The following RBM12B variants were observed in gnomAD, a reference collection of about 807,000 sequenced individuals.
The protein encoded by RBM12B is RNA-binding protein 12B.
A neutral mutation model predicts 34.3 loss-of-function variants in RBM12B; 10 were observed. That is an observed-to-expected ratio of 0.29 (90% CI 0.18 to 0.49). The LOEUF (loss-of-function observed/expected upper bound fraction) is 0.49, where lower values mean the gene tolerates loss of function less well. Among genes scored for constraint, RBM12B ranks in the 20% least tolerant of loss-of-function variants. The probability of loss-of-function intolerance (pLI) is 0.99; values close to 1 mark genes in which losing one functional copy is unlikely to be tolerated. For missense variants in RBM12B, 1,139 were observed against 1,262.7 expected, an observed-to-expected ratio of 0.90 and a Z score of 1.48; for synonymous variants, 477 against 437.1, an observed-to-expected ratio of 1.09 and a Z score of -1.14.
Position 93,733,933 on chromosome 8 carries a change from G to A in RBM12B, c.2478C>T (p.Asp826=), listed in dbSNP as rs1346598539. ...DEDFRHPPDE[D]FRSPQEEDFR... is the part of the protein sequence containing the mutation. ...AATCTTCCTCCTGGGGGCTCCTGAA[G>A]TCCTCATCAGGAGGGTGCCTAAAGT... Residue 826 remains aspartate, a synonymous_variant, in exon 4 of 4, where the codon GAC becomes GAT. Transcript: ENST00000520560. 1 of 1,613,516 alleles carries A rather than the reference G, an allele frequency of 6.2e-7. No homozygotes were observed. The highest frequency in any genetic ancestry group is 8.5e-7 in the Non-Finnish European group (1 of 1,179,824).
At position 93,734,960 on chromosome 8, in the gene RBM12B, C is replaced by A. The variant is rs994824906; in HGVS notation, c.1451G>T (p.Gly484Val). The change falls in exon 4 of 4, where the codon GGT (glycine) becomes GTT (valine). Residue 484 changes from glycine (G) to valine (V), a missense_variant. Gly to Val is a moderately radical substitution (Grantham distance 109, BLOSUM62 -3). This residue lies in a region of RBM12B where 863 missense variants were observed against 869.5 expected (regional missense o/e 0.99). Coordinates refer to ENST00000520560, the MANE Select transcript of RBM12B (RefSeq NM_001377960.1). The part of the protein sequence containing the change: ...LISEAQIQEF[G>V]VNFSVMSSEK... ...ACTGGACATCACAGAAAAATTTACACCAAACTCCTGTATTTGTGCCTCAGA... is the reference window on the plus strand; with the variant it reads ...ACTGGACATCACAGAAAAATTTACAACAAACTCCTGTATTTGTGCCTCAGA... 1 of 1,613,992 alleles carries A rather than the reference C, an allele frequency of 6.2e-7. No homozygotes were observed. Among genetic ancestry groups the A allele is most frequent in the African/African-American group, 1.3e-5 (1 of 74,894 alleles).
Position 93,734,115 on chromosome 8 carries a change from G to C in RBM12B, c.2296C>G (p.Pro766Ala). 1 of 1,557,356 alleles carries C rather than the reference G, an allele frequency of 6.4e-7. No individual in the cohort carries two copies. The highest frequency in any genetic ancestry group is 1.2e-5 in the South Asian group (1 of 82,848). The change falls in exon 4 of 4, where the codon CCA (proline) becomes GCA (alanine). Residue 766 changes from proline (P) to alanine (A), a missense_variant. This residue lies in a region of RBM12B where 863 missense variants were observed against 869.5 expected (regional missense o/e 0.99). Coordinates refer to ENST00000520560, the MANE Select transcript of RBM12B (RefSeq NM_001377960.1). ...GGGCGCCTGAAATGCTCTGGGGGTG[G>C]CCGCCTGAAGTGCTCTGGGGGTGGC... ...RRPPPEHFRR[P>A]PPEHFRRPPP...
chr8:93,735,303 A>T lies in RBM12B; in HGVS notation c.1108T>A (p.Tyr370Asn). ...AGTGACCCTGATCTCTTCTTTTCATAACGTGCAATGAACTTCAGCATTTGT... is the reference window on the plus strand; with the variant it reads ...AGTGACCCTGATCTCTTCTTTTCATTACGTGCAATGAACTTCAGCATTTGT... ...RKQMLKFIAR[Y>N]EKKRSGSLER... Residue 370 changes from tyrosine (Y) to asparagine (N), a missense_variant, in exon 4 of 4, where the codon TAT (tyrosine) becomes AAT (asparagine). Tyr to Asn is a moderately radical substitution (Grantham distance 143). Transcript: ENST00000520560. 1 of 1,613,998 alleles carries T rather than the reference A, an allele frequency of 6.2e-7. No individual in the cohort carries two copies. The highest frequency in any genetic ancestry group is 8.5e-7 in the Non-Finnish European group (1 of 1,180,000).
At position 93,729,054 on chromosome 8, in the gene RBM12B, TAC is replaced by T. The variant is rs1811682145; in HGVS notation, c.*4349_*4350del. On this transcript the variant is annotated 3_prime_UTR_variant, in exon 4 of 4. Coordinates refer to ENST00000520560, the MANE Select transcript of RBM12B (RefSeq NM_001377960.1). The stretch of plus-strand genomic sequence containing the variant: ...CTACCATATAGTTAATAAAAGGGTA[TAC>T]AGTCACTTTTATTTCTGAAAATATA... The T allele has an allele frequency of 6.6e-6, 1 of 152,120 alleles. No homozygotes were observed. The highest frequency in any genetic ancestry group is 6.6e-5 in the Admixed American group (1 of 15,266). 9.4% of individuals were successfully genotyped at this position (152,120 alleles called of 1,614,324 possible).
rs1473997239 is a variant in RBM12B at position 93,732,577 on chromosome 8, A to G, written c.*828T>C. 1 of 152,202 alleles carries G rather than the reference A, an allele frequency of 6.6e-6. No homozygotes were observed. The highest frequency in any genetic ancestry group is 1.5e-5 in the Non-Finnish European group (1 of 68,036). 9.4% of individuals were successfully genotyped at this position (152,202 alleles called of 1,614,324 possible). On this transcript the variant is annotated 3_prime_UTR_variant, in exon 4 of 4. Coordinates refer to ENST00000520560, the MANE Select transcript of RBM12B (RefSeq NM_001377960.1). The stretch of plus-strand genomic sequence containing the variant: ...CCTATAATTAGATTCTTATTTTACT[A>G]TCTTTTGCGTATCTTGTATTAATTT...
rs770463192 is a variant in RBM12B at position 93,732,348 on chromosome 8, C to T, written c.*1057G>A. ...ATTCCCTAGTTGCAAAATGTATGCA[C>T]TAAATGCTGAATATCAAAGAAGTCA... On this transcript the variant is annotated 3_prime_UTR_variant, in exon 4 of 4. Coordinates refer to ENST00000520560, the MANE Select transcript of RBM12B (RefSeq NM_001377960.1). 20 of 152,160 alleles carry T rather than the reference C, an allele frequency of 1.3e-4. No individual in the cohort carries two copies. The highest frequency in any genetic ancestry group is 2.5e-4 in the Non-Finnish European group (17 of 68,034). 9.4% of individuals were successfully genotyped at this position (152,160 alleles called of 1,614,324 possible). A position where few individuals can be genotyped will look rare whatever the true frequency, so the allele number is the denominator to read the frequency against.
Position 93,734,366 on chromosome 8 carries a change from T to C in RBM12B, c.2045A>G (p.Asp682Gly), listed in dbSNP as rs746286966. The stretch of plus-strand genomic sequence containing the variant: ...TTCTCCCTGAAGAGGCCGCCTAAAG[T>C]CCTCCTCTGGGGGCCGTCTCCAGTC... ...EEDWRRPPEE[D>G]FRRPLQGEWR... The change falls in exon 4 of 4, where the codon GAC (aspartate) becomes GGC (glycine). Residue 682 changes from aspartate to glycine, a missense_variant. Asp to Gly is a moderately conservative substitution (Grantham distance 94). Transcript: ENST00000520560. The C allele has an allele frequency of 2.5e-6, 4 of 1,612,916 alleles. No homozygotes were observed. In the East Asian group the frequency reaches 8.9e-5, roughly 36 times the overall value.
Position 93,733,703 on chromosome 8 carries a change from A to G in RBM12B, c.2708T>C (p.Met903Thr). The stretch of plus-strand genomic sequence containing the variant: ...AAATCTCCCCTCAGGAAAACTTCCC[A>G]TATTATGCTTTCCAAAATCAAACTT... ...GGKFDFGKHN[M>T]GSFPEGRFMP... is the part of the protein sequence containing the mutation. The change falls in exon 4 of 4, where the codon ATG becomes ACG. Residue 903 changes from methionine to threonine, a missense_variant. Met to Thr is a moderately conservative substitution (Grantham distance 81, BLOSUM62 -1). Transcript: ENST00000520560. 1 of 1,614,128 alleles carries G rather than the reference A, an allele frequency of 6.2e-7. No individual in the cohort carries two copies. The highest frequency in any genetic ancestry group is 1.1e-5 in the South Asian group (1 of 91,088).
chr8:93,728,270 T>A lies in RBM12B; in HGVS notation c.*5135A>T. 6.3e-7 allele frequency: 1 copy of A among 1,589,884 alleles called. No homozygotes were observed. ...ATGATGAGGATGACGAGTTAGATGT[T>A]ACAGAAGAAGAAAATTTTCTTAAGT... On this transcript the variant is annotated 3_prime_UTR_variant, in exon 4 of 4. Transcript: ENST00000520560.
chr8:93,736,950 T>C (rs1422840150), intron 3 of RBM12B, among the ~76,000 whole-genome samples: 2 of 152,224 alleles, frequency 1.3e-5, no homozygotes, highest in Non-Finnish European at 2.9e-5. Flanking sequence ...CTCATGCCTG[T>C]AATTCCAGGC....
rs747607585 is a variant in RBM12B, at chr8:93,733,415, GTTAAC to G, written c.2991_2995del (p.Lys997AsnfsTer10). The G allele has an allele frequency of 1.1e-5, 17 of 1,536,490 alleles. No individual in the cohort carries two copies. The highest frequency in any genetic ancestry group is 2.3e-5 in the East Asian group (1 of 44,136). On this transcript the variant is annotated frameshift_variant, in exon 4 of 4. Transcript: ENST00000520560. LOFTEE classifies it high-confidence loss of function. ...AGAAATGCTCTCTCTCTACAGCAAA[GTTAAC>G]TTAACTTTTCGGGGCCCAACTGGCC... is the stretch of plus-strand genomic sequence containing the variant.
chr8:93,735,918 G>A lies in RBM12B; in HGVS notation c.493C>T (p.Leu165=). ...PYLFLRGLPY[L]VNEDDVRVFF... is the part of the protein sequence containing the mutation. ...ACACGTACATCATCTTCATTTACTA[G>A]GTAAGGCAAACCTCGTAGAAACAAG... Residue 165 remains leucine (L), a synonymous_variant, in exon 4 of 4, where the codon CTA becomes TTA. Coordinates refer to ENST00000520560, the MANE Select transcript of RBM12B (RefSeq NM_001377960.1). The A allele has an allele frequency of 1.2e-6, 2 of 1,614,110 alleles. No individual in the cohort carries two copies. Among genetic ancestry groups the A allele is most frequent in the Non-Finnish European group, 8.5e-7 (1 of 1,180,038 alleles).
Position 93,735,093 on chromosome 8 carries a change from C to G in RBM12B, c.1318G>C (p.Gly440Arg). 1 of 1,614,114 alleles carries G rather than the reference C, an allele frequency of 6.2e-7. No individual in the cohort carries two copies. The highest frequency in any genetic ancestry group is 8.5e-7 in the Non-Finnish European group (1 of 1,180,030). The change falls in exon 4 of 4, where the codon GGT (glycine) becomes CGT (arginine). Residue 440 changes from glycine to arginine, a missense_variant. By Grantham distance (125) the Gly-to-Arg change is moderately radical (BLOSUM62 -2). Transcript: ENST00000520560. ...AATTTCACTAATGCTTCTCCCAGAC[C>G]AACACCTTTGTCATCATAAAGCAAG... ...IYLLYDDKGV[G>R]LGEALVKFKS... is the part of the protein sequence containing the mutation.
At chr8:93,738,703 T>C (rs951126225) in intron 2 of RBM12B, among the ~76,000 whole-genome samples, 2 of 152,188 alleles carry the variant, frequency 1.3e-5, no homozygotes, top group Admixed American at 6.5e-5. Flanking sequence ...GCTCAAGCAA[T>C]CAGCTCACCT....
intron 2 of RBM12B, among the ~76,000 whole-genome samples, chr8:93,739,371 A>G (rs963764013): frequency 2.6e-5 from 4 of 152,228 alleles, no homozygotes; most frequent in Non-Finnish European, 2.9e-5. Flanking sequence ...TTTCATGAGC[A>G]CAAATCTCAT....
At position 93,733,328 on chromosome 8, in the gene RBM12B, AAC is replaced by A; in HGVS notation, c.*75_*76del. The A allele has an allele frequency of 8.4e-7, 1 of 1,193,880 alleles. No individual in the cohort carries two copies. Among genetic ancestry groups the A allele is most frequent in the South Asian group, 2.8e-5 (1 of 35,388 alleles). The allele number at this position is 1,193,880 out of a possible 1,614,324, so 74.0% of individuals were successfully genotyped here. A position where few individuals can be genotyped will look rare whatever the true frequency, so the allele number is the denominator to read the frequency against. On this transcript the variant is annotated 3_prime_UTR_variant, in exon 4 of 4. Coordinates refer to ENST00000520560, the MANE Select transcript of RBM12B (RefSeq NM_001377960.1). ...ATTTCATTAGATAATTTAAAAAAAA[AAC>A]ACTTTTTTAAAACAAATGTATTTTA...
Position 93,734,445 on chromosome 8 carries a change from CAG to C in RBM12B, c.1964_1965del (p.Pro655ArgfsTer17), listed in dbSNP as rs1318903381. The C allele has an allele frequency of 3.7e-6, 6 of 1,605,614 alleles. No homozygotes were observed. The highest frequency in any genetic ancestry group is 5.1e-6 in the Non-Finnish European group (6 of 1,175,006). ...TCTGGGAGCCACCTTAAGTCCTCCT[CAG>C]GGGGTTGCCTGAAGTCCTCCTCGGG... Reference protein sequence around the residue: ...QLPEEDFRQPPEEDLRWLPEE... With the variant: ...QLPEEDFRQPXEEDLRWLPEE... On this transcript the variant is annotated frameshift_variant, in exon 4 of 4. Transcript: ENST00000520560. LOFTEE classifies it high-confidence loss of function.
In RBM12B at chr8:93,729,241, A is replaced by G. The variant is rs1270272897; in HGVS notation, c.*4164T>C. 1 of 152,172 alleles carries G rather than the reference A, an allele frequency of 6.6e-6. No individual in the cohort carries two copies. The highest frequency in any genetic ancestry group is 1.5e-5 in the Non-Finnish European group (1 of 67,986). The allele number at this position is 152,172 out of a possible 1,614,324, so 9.4% of individuals were successfully genotyped here. A position where few individuals can be genotyped will look rare whatever the true frequency, so the allele number is the denominator to read the frequency against. ...CATAACAGAAAAATAAAGACTTTCT[A>G]GAAAGCTTCTGACTTTGTCAATCAT... is the stretch of plus-strand genomic sequence containing the variant. On this transcript the variant is annotated 3_prime_UTR_variant, in exon 4 of 4. Transcript: ENST00000520560.
At position 93,728,581 on chromosome 8, in the gene RBM12B, G is replaced by C; in HGVS notation, c.*4824C>G. 4.6e-6 allele frequency: 1 copy of C among 219,286 alleles called. No individual in the cohort carries two copies. Among genetic ancestry groups the C allele is most frequent in the Non-Finnish European group, 8.9e-6 (1 of 112,504 alleles). The allele number at this position is 219,286 out of a possible 1,614,324, so 13.6% of individuals were successfully genotyped here. A position where few individuals can be genotyped will look rare whatever the true frequency, so the allele number is the denominator to read the frequency against. ...TCATATTAATGTACTATATCTACTT[G>C]AAGTTCCAATAGTACATTATGACAG... On this transcript the variant is annotated 3_prime_UTR_variant, in exon 4 of 4. Coordinates refer to ENST00000520560, the MANE Select transcript of RBM12B (RefSeq NM_001377960.1).
Sources: allele counts gnomAD v4.1 joint callset (sites outside exome capture counted in the v4.1 genomes callset), GRCh38; gene constraint gnomAD v4.1.1; regional missense constraint gnomAD v4.1.1; transcripts MANE v1.5; gene names NCBI Gene and HGNC (gene_info 2026-07-23, HGNC 2026-07-21).